ARK2C: variants seen among roughly 807,000 people sequenced by gnomAD.
The protein encoded by ARK2C is arkadia (RNF111) C-terminal like ring finger ubiquitin ligase 2C.
At chr18:46,364,524 A>T in the ARK2C span, among the ~76,000 whole-genome samples, 1 of 152,086 alleles carries the variant, frequency 6.6e-6, no homozygotes, top group Non-Finnish European at 1.5e-5. Flanking sequence ...TGACTACCAG[A>T]CATATCATTT....
At chr18:46,336,530 G>C in the ARK2C span, 1 of 985,432 alleles carries the variant, frequency 1.0e-6, no homozygotes. Context: ...ATGACCTTCC[G>C]ATAGAGGATA....
At chr18:46,451,066 T>C in the ARK2C span, among the ~76,000 whole-genome samples, 1 of 152,194 alleles carries the variant, frequency 6.6e-6, no homozygotes, top group East Asian at 1.9e-4. Flanking sequence ...CCATTGGGTA[T>C]ATTACATACA....
At chr18:46,421,212 A>G in the ARK2C span, among the ~76,000 whole-genome samples, 69 of 152,332 alleles carry the variant, frequency 4.5e-4, no homozygotes, top group African/African-American at 1.5e-3. Context: ...CTTCAAAGCT[A>G]GTCTTTCTAC....
At chr18:46,459,236 G>C in the ARK2C span, 1 of 152,236 alleles carries the variant, frequency 6.6e-6, no homozygotes, top group Non-Finnish European at 1.5e-5. Context: ...GTTCCAGTCT[G>C]GGCTCTTCAC....
chr18:46,369,509 C>T, the ARK2C span, among the ~76,000 whole-genome samples: 35 of 152,060 alleles, frequency 2.3e-4, no homozygotes, highest in African/African-American at 7.0e-4. Flanking sequence ...AGTCAGGGAA[C>T]GAGAAATGCC....
the ARK2C span, among the ~76,000 whole-genome samples, chr18:46,359,450 GAA>G: frequency 1.3e-5 from 2 of 152,068 alleles, no homozygotes; most frequent in African/African-American, 4.8e-5. Context: ...TAGCCAGGTA[GAA>G]AAAAGGGTTC....
chr18:46,462,294 T>G, the ARK2C span: 1 of 153,700 alleles, frequency 6.5e-6, no homozygotes, highest in East Asian at 1.9e-4. Context: ...CTGAGCCGGC[T>G]GGGACCTGGA....
chr18:46,391,349 G>A, the ARK2C span, among the ~76,000 whole-genome samples: 7 of 152,156 alleles, frequency 4.6e-5, no homozygotes, highest in South Asian at 4.1e-4. Flanking sequence ...CAAATGGGAC[G>A]ACATTACAGC....
chr18:46,397,662 A>C, the ARK2C span, among the ~76,000 whole-genome samples: 1 of 72,862 alleles, frequency 1.4e-5, no homozygotes, highest in African/African-American at 5.5e-5. Flanking sequence ...ATGCTGGGGC[A>C]GAATTGTGTG....
At chr18:46,454,799 C>G in the ARK2C span, among the ~76,000 whole-genome samples, 1 of 152,180 alleles carries the variant, frequency 6.6e-6, no homozygotes, top group Non-Finnish European at 1.5e-5. Flanking sequence ...TATTGTTAGA[C>G]TGTTTCATGG....
chr18:46,398,739 G>T, the ARK2C span, among the ~76,000 whole-genome samples: 1 of 152,008 alleles, frequency 6.6e-6, no homozygotes, highest in Non-Finnish European at 1.5e-5. Context: ...TGGCACCTGT[G>T]ACAGGAGGGG....
chr18:46,391,905 C>A, the ARK2C span, among the ~76,000 whole-genome samples: 1 of 151,726 alleles, frequency 6.6e-6, no homozygotes, highest in African/African-American at 2.4e-5. Context: ...ACTACACACA[C>A]CAACACACAC....
chr18:46,361,355 T>C, the ARK2C span, among the ~76,000 whole-genome samples: 2 of 152,206 alleles, frequency 1.3e-5, no homozygotes, highest in Admixed American at 6.5e-5. Flanking sequence ...TATAATGATA[T>C]AGAAATCATT....
chr18:46,366,292 C>CAAAAAA, the ARK2C span, among the ~76,000 whole-genome samples: 5 of 54,506 alleles, frequency 9.2e-5, no homozygotes, highest in Non-Finnish European at 1.9e-4. Context: ...AACTCTGGCT[C>CAAAAAA]AAAAAAAAAA....
At chr18:46,336,349 A>G in the ARK2C span, 1 of 984,426 alleles carries the variant, frequency 1.0e-6, no homozygotes, top group Non-Finnish European at 1.2e-6. Context: ...TTTAAATTTT[A>G]TTTTTAATAC....
chr18:46,455,859 A>C, the ARK2C span: 3 of 638,298 alleles, frequency 4.7e-6, no homozygotes, highest in South Asian at 6.1e-5. Flanking sequence ...ACAAACAAAA[A>C]AAGAAACTTT....
the ARK2C span, among the ~76,000 whole-genome samples, chr18:46,341,319 AG>A: frequency 0.8 from 101,617 of 126,360 alleles, 39,447 homozygotes; most frequent in East Asian, 0.91. Flanking sequence ...GAGGTCAGGG[AG>A]GGGGGTGGGA....
the ARK2C span, among the ~76,000 whole-genome samples, chr18:46,359,471 G>A: frequency 2.0e-5 from 3 of 152,176 alleles, no homozygotes; most frequent in African/African-American, 7.2e-5. Flanking sequence ...TCTCAGCAGA[G>A]GGAGTAGCAT....
the ARK2C span, among the ~76,000 whole-genome samples, chr18:46,372,044 T>A: frequency 2.0e-5 from 3 of 152,336 alleles, no homozygotes; most frequent in South Asian, 6.2e-4. Context: ...GTCCTGAAGA[T>A]GAGGCCCACA....
Sources: allele counts gnomAD v4.1 joint callset (sites outside exome capture counted in the v4.1 genomes callset), GRCh38; gene constraint gnomAD v4.1.1; transcripts MANE v1.5; gene names NCBI Gene and HGNC (gene_info 2026-07-23, HGNC 2026-07-21).